NDUFV2: variants seen among roughly 807,000 people sequenced by gnomAD.
The protein encoded by NDUFV2 is NADH dehydrogenase [ubiquinone] flavoprotein 2, mitochondrial.
NDUFV2 carries 18 observed loss-of-function variants against 31.6 expected under a neutral mutation model. That is an observed-to-expected ratio of 0.57 (90% CI 0.39 to 0.84). NDUFV2 has a LOEUF of 0.84. Ranked by LOEUF, NDUFV2 falls within the 40% of genes least tolerant of loss-of-function variation. The probability of loss-of-function intolerance (pLI) is 0.00; values close to 1 mark genes in which losing one functional copy is unlikely to be tolerated. For missense variants in NDUFV2, 314 were observed against 303.6 expected (o/e 1.03, Z -0.26); for synonymous variants, 83 against 99.8 (o/e 0.83, Z 1.01).
chr18:9,111,512 T>C (rs1388067952), intron 1 of NDUFV2, among the ~76,000 whole-genome samples: 1 of 151,514 alleles, frequency 6.6e-6, no homozygotes, highest in African/African-American at 2.4e-5. Context: ...CACTGCAACC[T>C]CTGCATCCTG....
At chr18:9,124,815 TA>T (rs2077974215) in intron 5 of NDUFV2, 58 bp from the exon 6 acceptor site, 4 of 1,247,394 alleles carry the variant, frequency 3.2e-6, no homozygotes, top group Admixed American at 4.9e-5. Context: ...TTTTTTTTTT[TA>T]AACCAAATGA....
At chr18:9,117,757 T>A in intron 1 of NDUFV2, 81 bp from the exon 2 acceptor site, 1 of 799,722 alleles carries the variant, frequency 1.3e-6, no homozygotes, top group Non-Finnish European at 2.2e-6. Context: ...TTGTTGTAAA[T>A]TATGAATCCT....
chr18:9,132,652 A>G (rs563354943), intron 7 of NDUFV2, among the ~76,000 whole-genome samples: 1 of 152,296 alleles, frequency 6.6e-6, no homozygotes, highest in South Asian at 2.1e-4. Flanking sequence ...AGGCGGACAG[A>G]TTGTTTGAGC....
intron 1 of NDUFV2, among the ~76,000 whole-genome samples, chr18:9,113,048 G>A (rs958196303): frequency 3.0e-4 from 46 of 152,142 alleles, no homozygotes; most frequent in African/African-American, 1.1e-3. Context: ...TACATATGGA[G>A]AGACAATACA....
Position 9,102,779 on chromosome 18 carries a change from T to A in NDUFV2, c.36T>A (p.Ala12=). The A allele has an allele frequency of 1.9e-6, 3 of 1,580,492 alleles. No individual in the cohort carries two copies. Among genetic ancestry groups the A allele is most frequent in the Non-Finnish European group, 2.6e-6 (3 of 1,165,500 alleles). Residue 12 remains alanine, a synonymous_variant, in exon 1 of 8, where the codon GCT becomes GCA. Transcript: ENST00000318388. ...CCGCGGCGCTCCGGGCCCGGGCGGC[T>A]GGCCTCACCGCCCACTGGGTAAGGA... ...FFSAALRARA[A]GLTAHWGRHV... is the part of the protein sequence containing the mutation.
intron 4 of NDUFV2, 110 bp from the exon 5 acceptor site, chr18:9,122,403 T>C: frequency 9.8e-7 from 1 of 1,024,080 alleles, no homozygotes; most frequent in Non-Finnish European, 1.5e-6. Flanking sequence ...GAAGAACTTT[T>C]CTGTTTTTAC....
At chr18:9,111,134 A>C (rs946997576) in intron 1 of NDUFV2, among the ~76,000 whole-genome samples, 1 of 152,122 alleles carries the variant, frequency 6.6e-6, no homozygotes, top group Non-Finnish European at 1.5e-5. Context: ...TGATGTCATC[A>C]AACAGTCAGG....
At chr18:9,131,691 G>A (rs1422403559) in intron 7 of NDUFV2, among the ~76,000 whole-genome samples, 1 of 152,144 alleles carries the variant, frequency 6.6e-6, no homozygotes, top group Non-Finnish European at 1.5e-5. Context: ...AAAGTTTACA[G>A]AAAGGCCAAG....
intron 1 of NDUFV2, among the ~76,000 whole-genome samples, chr18:9,114,524 T>C (rs980274777): frequency 1.3e-5 from 2 of 151,740 alleles, no homozygotes; most frequent in Non-Finnish European, 2.9e-5. Context: ...TTACAGGTTA[T>C]ATAGTACTTT....
At chr18:9,111,812 C>T (rs2077871797) in intron 1 of NDUFV2, among the ~76,000 whole-genome samples, 1 of 151,848 alleles carries the variant, frequency 6.6e-6, no homozygotes, top group African/African-American at 2.4e-5. Context: ...GAAACAGGCT[C>T]TAGAGCTGAG....
At chr18:9,124,749 C>G in intron 5 of NDUFV2, 125 bp from the exon 6 acceptor site, 1 of 1,044,210 alleles carries the variant, frequency 9.6e-7, no homozygotes, top group Non-Finnish European at 1.4e-6. Flanking sequence ...CGCCTGGCCT[C>G]TTTTTAAAAA....
At chr18:9,120,120 A>G (rs2077924176) in intron 4 of NDUFV2, among the ~76,000 whole-genome samples, 1 of 152,150 alleles carries the variant, frequency 6.6e-6, no homozygotes, top group African/African-American at 2.4e-5. Context: ...TATTCATATA[A>G]TATTCATTTT....
chr18:9,103,262 G>A (rs2077824235), intron 1 of NDUFV2: 1 of 397,666 alleles, frequency 2.5e-6, no homozygotes, highest in Non-Finnish European at 4.4e-6. Context: ...CTGGAAAAGG[G>A]TGGCCAATGT....
chr18:9,108,244 G>T lies in NDUFV2; in HGVS notation c.54+5447G>T, dbSNP rs1379164677. ...CATTTGTTAATTCTCTCATAGTATG[G>T]TAAAAATTACTTACATTTTAACCTG... is the stretch of plus-strand genomic sequence containing the variant. On this transcript the variant is annotated intron_variant, in intron 1 of 7. Transcript: ENST00000318388. Among the ~76,000 whole-genome samples, 3 of 152,128 alleles carry T rather than the reference G, an allele frequency of 2.0e-5. No homozygotes were observed. In the East Asian group the frequency reaches 5.8e-4, roughly 29 times the overall value.
At chr18:9,129,423 T>C (rs910721186) in intron 7 of NDUFV2, among the ~76,000 whole-genome samples, 1 of 152,216 alleles carries the variant, frequency 6.6e-6, no homozygotes, top group South Asian at 2.1e-4. Context: ...GCCTGCTGTG[T>C]GTCAGGCATT....
At chr18:9,104,034 G>A in intron 1 of NDUFV2, 3 of 976,370 alleles carry the variant, frequency 3.1e-6, no homozygotes, top group Middle Eastern at 2.5e-4. Flanking sequence ...TTGAGACAAT[G>A]TAAAAGTACA....
At chr18:9,113,593 A>G (rs964351204) in intron 1 of NDUFV2, among the ~76,000 whole-genome samples, 1 of 152,236 alleles carries the variant, frequency 6.6e-6, no homozygotes, top group Non-Finnish European at 1.5e-5. Context: ...CAAAAAAAGA[A>G]GAAGTAAAAA....
At chr18:9,106,665 A>G (rs1413772073) in intron 1 of NDUFV2, among the ~76,000 whole-genome samples, 1 of 152,236 alleles carries the variant, frequency 6.6e-6, no homozygotes, top group East Asian at 1.9e-4. Context: ...TGCTGTAACA[A>G]ATTTCCACAA....
chr18:9,131,100 T>A (rs537500461), intron 7 of NDUFV2, among the ~76,000 whole-genome samples: 1 of 152,324 alleles, frequency 6.6e-6, no homozygotes, highest in South Asian at 2.1e-4. Flanking sequence ...GTTGTCTGTA[T>A]TATATACTGA....
Sources: gnomAD v4.1 joint callset for allele counts (sites outside exome capture counted in the v4.1 genomes callset) on GRCh38, gnomAD v4.1.1 for gene constraint, MANE v1.5 for transcripts, NCBI Gene and HGNC (gene_info 2026-07-23, HGNC 2026-07-21) for gene names.